ADAMTSL3: variants seen among roughly 807,000 people sequenced by gnomAD.
The protein encoded by ADAMTSL3 is ADAMTS-like protein 3.
In ADAMTSL3, 128 loss-of-function variants were observed where a neutral mutation model predicts 201.7. That is an observed-to-expected ratio of 0.63 (90% CI 0.55 to 0.73). The LOEUF (loss-of-function observed/expected upper bound fraction) is 0.73. Among genes scored for constraint, ADAMTSL3 ranks in the 30% least tolerant of loss-of-function variants. The probability of loss-of-function intolerance (pLI) is 0.00; values close to 1 mark genes in which losing one functional copy is unlikely to be tolerated. For synonymous variants in ADAMTSL3, 738 were observed against 748.4 expected (o/e 0.99, Z 0.23); for missense variants, 1,990 against 2,119.6 (o/e 0.94, Z 1.20).
intron 15 of ADAMTSL3, among the ~76,000 whole-genome samples, chr15:83,910,462 G>GTTT (rs33980524): frequency 2.7e-4 from 39 of 142,302 alleles, no homozygotes; most frequent in East Asian, 1.4e-3. Context: ...GTTGCCGTGG[G>GTTT]TTTTTTTTTT....
At chr15:83,767,690 C>T (rs889837928) in intron 3 of ADAMTSL3, among the ~76,000 whole-genome samples, 25 of 152,304 alleles carry the variant, frequency 1.6e-4, no homozygotes, top group African/African-American at 5.5e-4. Context: ...TCCACCCTGC[C>T]GGATCCAGTT....
intron 13 of ADAMTSL3, among the ~76,000 whole-genome samples, chr15:83,894,794 A>G (rs985827235): frequency 6.7e-6 from 1 of 149,848 alleles, no homozygotes; most frequent in Non-Finnish European, 1.5e-5. Context: ...GAATTGAGTT[A>G]ATTTTAATAC....
intron 3 of ADAMTSL3, among the ~76,000 whole-genome samples, chr15:83,707,382 A>G (rs1476489677): frequency 1.5e-4 from 23 of 152,242 alleles, no homozygotes; most frequent in Admixed American, 1.4e-3. Context: ...GCTTATGCTA[A>G]AAGAAAGGAA....
intron 4 of ADAMTSL3, among the ~76,000 whole-genome samples, chr15:83,787,390 T>C (rs2063281649): frequency 6.6e-6 from 1 of 152,168 alleles, no homozygotes. Flanking sequence ...TGAAGTAATG[T>C]ATTTCTGGGT....
chr15:83,761,310 A>C (rs2062805662), intron 3 of ADAMTSL3, among the ~76,000 whole-genome samples: 2 of 152,128 alleles, frequency 1.3e-5, no homozygotes, highest in African/African-American at 4.8e-5. Flanking sequence ...ATTCCATATA[A>C]ATATTTAAAA....
intron 23 of ADAMTSL3, among the ~76,000 whole-genome samples, chr15:84,004,914 G>A (rs766190464): frequency 6.6e-6 from 1 of 152,210 alleles, no homozygotes; most frequent in Non-Finnish European, 1.5e-5. Flanking sequence ...CAGTTCCCGG[G>A]CTGGAGGATA....
At chr15:83,776,683 C>T (rs1170805541) in intron 4 of ADAMTSL3, among the ~76,000 whole-genome samples, 1 of 152,036 alleles carries the variant, frequency 6.6e-6, no homozygotes, top group Admixed American at 6.5e-5. Context: ...CGCCATTGCA[C>T]TCCAGCCTGG....
At chr15:83,924,358 C>G (rs2066209569) in intron 17 of ADAMTSL3, among the ~76,000 whole-genome samples, 1 of 152,334 alleles carries the variant, frequency 6.6e-6, no homozygotes, top group African/African-American at 2.4e-5. Flanking sequence ...GGCACTTCTT[C>G]CCTTAATATC....
intron 19 of ADAMTSL3, among the ~76,000 whole-genome samples, chr15:83,943,361 A>G (rs549995210): frequency 6.6e-6 from 1 of 152,206 alleles, no homozygotes; most frequent in South Asian, 2.1e-4. Flanking sequence ...TACCAGGATC[A>G]TAGTATCCCA....
intron 16 of ADAMTSL3, among the ~76,000 whole-genome samples, chr15:83,922,082 G>A (rs1443539512): frequency 1.3e-5 from 2 of 152,042 alleles, no homozygotes; most frequent in Non-Finnish European, 2.9e-5. Flanking sequence ...CCTAAATTTT[G>A]TTATAAGATG....
At chr15:83,991,613 T>G (rs2067585126) in intron 23 of ADAMTSL3, among the ~76,000 whole-genome samples, 1 of 152,236 alleles carries the variant, frequency 6.6e-6, no homozygotes, top group Non-Finnish European at 1.5e-5. Flanking sequence ...GTCCTCTAGA[T>G]AGACAAAAGC....
intron 3 of ADAMTSL3, among the ~76,000 whole-genome samples, chr15:83,726,929 T>C (rs2062185707): frequency 6.6e-6 from 1 of 151,922 alleles, no homozygotes; most frequent in Non-Finnish European, 1.5e-5. Flanking sequence ...CTGGAAGTAT[T>C]CTCTCCTCGA....
chr15:84,034,922 C>A (rs2068477009), intron 28 of ADAMTSL3, among the ~76,000 whole-genome samples: 1 of 152,152 alleles, frequency 6.6e-6, no homozygotes, highest in Admixed American at 6.5e-5. Flanking sequence ...AACACATGAA[C>A]CCCAGTTATG....
Position 83,991,216 on chromosome 15 carries a change from T to C in ADAMTSL3, c.3973+2T>C. ...TGACAATCCGATGTCCTGTAAAAGG[T>C]AAGTGTGGTCATTTCAGTGGGAGGC... On this transcript the variant is annotated splice_donor_variant, in intron 23 of 29. Coordinates refer to ENST00000286744, the MANE Select transcript of ADAMTSL3 (RefSeq NM_207517.3). LOFTEE classifies it high-confidence loss of function. 1 of 1,614,030 alleles carries C rather than the reference T, an allele frequency of 6.2e-7. No individual in the cohort carries two copies. Among genetic ancestry groups the C allele is most frequent in the South Asian group, 1.1e-5 (1 of 91,070 alleles).
intron 3 of ADAMTSL3, among the ~76,000 whole-genome samples, chr15:83,766,084 C>T (rs1332901283): frequency 6.7e-6 from 1 of 148,222 alleles, no homozygotes; most frequent in Non-Finnish European, 1.5e-5. Context: ...CTTCCAGCTT[C>T]CAGCAGGGTT....
chr15:83,829,781 T>G (rs565984026), intron 6 of ADAMTSL3, among the ~76,000 whole-genome samples: 2 of 152,236 alleles, frequency 1.3e-5, no homozygotes, highest in African/African-American at 2.4e-5. Flanking sequence ...CATTTCCTTA[T>G]GTACCCAGTA....
intron 7 of ADAMTSL3, among the ~76,000 whole-genome samples, chr15:83,854,738 T>C (rs1425363703): frequency 1.3e-5 from 2 of 152,306 alleles, no homozygotes; most frequent in South Asian, 2.1e-4. Context: ...CATTCTTCTG[T>C]TTTTAAAAAA....
chr15:84,000,612 G>T (rs1418601396), intron 23 of ADAMTSL3, among the ~76,000 whole-genome samples: 1 of 152,212 alleles, frequency 6.6e-6, no homozygotes, highest in Admixed American at 6.5e-5. Flanking sequence ...ATGTCATAAT[G>T]CAAAAATAGA....
chr15:83,666,062 C>G (rs1439186523), intron 2 of ADAMTSL3, among the ~76,000 whole-genome samples: 1 of 151,944 alleles, frequency 6.6e-6, no homozygotes. Context: ...TTTAATTATA[C>G]TAATTGTTAG....
Sources: allele counts gnomAD v4.1 joint callset (sites outside exome capture counted in the v4.1 genomes callset), GRCh38; gene constraint gnomAD v4.1.1; transcripts MANE v1.5; gene names NCBI Gene and HGNC (gene_info 2026-07-23, HGNC 2026-07-21).